Variants in EMC1 observed in about 807,000 individuals in gnomAD.
EMC1 encodes the protein ER membrane protein complex subunit 1, also known as KIAA0090.
Under a neutral mutation model 128.8 loss-of-function variants are expected in EMC1, and 103 were observed. The observed-to-expected ratio is 0.80, with a 90% CI of 0.68 to 0.94. EMC1 has a LOEUF of 0.94. Ranked by LOEUF, EMC1 falls within the 40% of genes least tolerant of loss-of-function variation. The pLI is 0.00. For missense variants in EMC1, 1,083 were observed against 1,250.6 expected (o/e 0.87, Z 2.02); for synonymous variants, 442 against 490.4 (o/e 0.90, Z 1.30).
rs2093532719 is a variant in EMC1, at chr1:19,232,659, G to A, written c.1747C>T (p.His583Tyr). ...MVQRTTAHFP[H>Y]PPQCTLLVKD... ...ACCAGCAGGGTGCACTGTGGGGGAT[G>A]GGGGAAATGAGCAGTAGTTCTCTGG... Residue 583 changes from histidine (H) to tyrosine (Y), a missense_variant, in exon 15 of 23, where the codon CAT (histidine) becomes TAT (tyrosine). Transcript: ENST00000477853. 1.2e-6 allele frequency: 2 copies of A among 1,614,016 alleles called. No homozygotes were observed. The highest frequency in any genetic ancestry group is 1.1e-5 in the South Asian group (1 of 91,082).
At chr1:19,240,820 C>T (rs1394420769) in intron 6 of EMC1, 196 bp downstream of exon 6, 2 of 639,884 alleles carry the variant, frequency 3.1e-6, no homozygotes, top group Non-Finnish European at 5.4e-6. Context: ...TTTAGCCACC[C>T]CAGAAGATAA....
At position 19,237,715 on chromosome 1, in the gene EMC1, C is replaced by A. The variant is rs117301373; in HGVS notation, c.1212+302G>T. ...ACTCTGGCTATGGTACTCGATCCCA[C>A]CAGGCCACAGAATCATTTTAAAACC... On this transcript the variant is annotated intron_variant, in intron 11 of 22. Transcript: ENST00000477853. Among the ~76,000 whole-genome samples, 91 of 152,324 alleles carry A rather than the reference C, an allele frequency of 6.0e-4. 1 individual carries two copies. In the East Asian group the frequency reaches 0.014, roughly 24 times the overall value.
At position 19,238,719 on chromosome 1, in the gene EMC1, A is replaced by G. The variant is rs2093584647; in HGVS notation, c.1089+76T>C. The G allele has an allele frequency of 3.0e-6, 3 of 1,006,780 alleles. No homozygotes were observed. In the Admixed American group the frequency reaches 5.7e-5, roughly 19 times the overall value. 62.4% of individuals were successfully genotyped at this position (1,006,780 alleles called of 1,614,324 possible). On this transcript the variant is annotated intron_variant, in intron 10 of 22. Transcript: ENST00000477853. ...GGAACTCTAGGACCTGCTCCTAACC[A>G]AAGCTCTTCCCCCAACTCTCTTTGG...
At chr1:19,229,546 C>T (rs2093504524) in intron 17 of EMC1, among the ~76,000 whole-genome samples, 1 of 152,174 alleles carries the variant, frequency 6.6e-6, no homozygotes, top group South Asian at 2.1e-4. Flanking sequence ...CCAGTTCACT[C>T]CCCTGAATCT....
At chr1:19,230,662 G>T (rs1244236342) in intron 17 of EMC1, among the ~76,000 whole-genome samples, 182 bp downstream of exon 17, 2 of 152,136 alleles carry the variant, frequency 1.3e-5, no homozygotes, top group African/African-American at 2.4e-5. Flanking sequence ...ACCTAGAACC[G>T]TATCTGCCAT....
In EMC1 at chr1:19,219,665, T is replaced by C; in HGVS notation, c.2706A>G (p.Val902=). 3 of 1,614,082 alleles carry C rather than the reference T, an allele frequency of 1.9e-6. No individual in the cohort carries two copies. The highest frequency in any genetic ancestry group is 2.5e-6 in the Non-Finnish European group (3 of 1,180,008). The change falls in exon 22 of 23, where the codon GTA becomes GTG. Residue 902 remains valine, a synonymous_variant. Coordinates refer to ENST00000477853, the MANE Select transcript of EMC1 (RefSeq NM_015047.3). ...TGATGAATCGCTCTGCGTGTATCTG[T>C]ACATCTGGAGAATACGGGATTAAGT... ...EENLIPYSPD[V]QIHAERFINY...
intron 18 of EMC1, among the ~76,000 whole-genome samples, chr1:19,224,197 C>G (rs899756737): frequency 1.3e-5 from 2 of 152,220 alleles, no homozygotes; most frequent in Non-Finnish European, 2.9e-5. Context: ...AGAAAGCTCT[C>G]AAGCCTTGAG....
intron 20 of EMC1, chr1:19,221,714 A>G (rs935534054): frequency 1.3e-5 from 2 of 152,102 alleles, no homozygotes; most frequent in African/African-American, 4.8e-5. Context: ...GGTAAAATCA[A>G]CTAAACACAG....
intron 20 of EMC1, chr1:19,221,225 G>A (rs1221616377): frequency 5.7e-6 from 1 of 175,328 alleles, no homozygotes. Flanking sequence ...TGTTCATGCA[G>A]CTGCGGTACA....
chr1:19,223,670 G>C, intron 18 of EMC1, 101 bp from the exon 19 acceptor site: 2 of 1,090,790 alleles, frequency 1.8e-6, no homozygotes, highest in South Asian at 1.5e-5. Flanking sequence ...CCTGGCAGAG[G>C]AATCAGGGTT....
Position 19,235,228 on chromosome 1 carries a change from C to T in EMC1, c.1334G>A (p.Arg445His), listed in dbSNP as rs752490808. The T allele has an allele frequency of 8.1e-6, 13 of 1,613,062 alleles. No individual in the cohort carries two copies. Among genetic ancestry groups the T allele is most frequent in the African/African-American group, 1.3e-5 (1 of 75,040 alleles). ...CACCACTTCTGCCAGGGACTCCTCA[C>T]GGCTCCACAGCACCACCTTCCCTGC... ...QLAGKVVLWSREESLAEVVCL... is the reference protein window; with the variant it reads ...QLAGKVVLWSHEESLAEVVCL... The change falls in exon 13 of 23, where the codon CGT becomes CAT. Residue 445 changes from arginine (R) to histidine (H), a missense_variant. By Grantham distance (29) the Arg-to-His change is conservative. This residue lies in a region of EMC1 where 544 missense variants were observed against 572.4 expected (regional missense o/e 0.95). Transcript: ENST00000477853.
At chr1:19,243,400 C>T (rs772348421) in intron 4 of EMC1, among the ~76,000 whole-genome samples, 4 of 152,180 alleles carry the variant, frequency 2.6e-5, no homozygotes, top group Non-Finnish European at 5.9e-5. Context: ...CATTCAAGCA[C>T]AAGCGCAAAC....
intron 13 of EMC1, among the ~76,000 whole-genome samples, chr1:19,234,568 C>G (rs1439098619): frequency 6.6e-6 from 1 of 152,220 alleles, no homozygotes; most frequent in Non-Finnish European, 1.5e-5. Flanking sequence ...TTATTCCCCC[C>G]AGGCGCAGCA....
At chr1:19,245,641 T>TTTTTTTTTTTTTTTA (rs2093628705) in intron 1 of EMC1, among the ~76,000 whole-genome samples, 1 of 149,306 alleles carries the variant, frequency 6.7e-6, no homozygotes, top group African/African-American at 2.5e-5. Context: ...TTTTTTTTTT[T>TTTTTTTTTTTTTTTA]GAGACGAAGT....
chr1:19,227,571 G>C, intron 17 of EMC1, 121 bp from the exon 18 acceptor site: 1 of 1,223,058 alleles, frequency 8.2e-7, no homozygotes, highest in Non-Finnish European at 1.1e-6. Flanking sequence ...ATAGAGATCA[G>C]AACTAGAAAA....
intron 3 of EMC1, 97 bp from the exon 4 acceptor site, chr1:19,243,804 T>A (rs2093619188): frequency 2.8e-6 from 4 of 1,440,286 alleles, no homozygotes; most frequent in Non-Finnish European, 2.9e-6. Flanking sequence ...GATTTCTGGA[T>A]GCAAATACAT....
intron 4 of EMC1, 52 bp from the exon 5 acceptor site, chr1:19,242,525 G>A (rs748510524): frequency 6.2e-7 from 1 of 1,608,630 alleles, no homozygotes; most frequent in Admixed American, 1.7e-5. Flanking sequence ...GCCTCAGGCT[G>A]GGAGAGACAG....
chr1:19,232,678 T>C lies in EMC1; in HGVS notation c.1728A>G (p.Arg576=). 6.2e-7 allele frequency: 1 copy of C among 1,614,200 alleles called. No individual in the cohort carries two copies. Among genetic ancestry groups the C allele is most frequent in the East Asian group, 2.2e-5 (1 of 44,892 alleles). ...PDSSFKLMVQ[R]TTAHFPHPPQ... ...GGGGATGGGGGAAATGAGCAGTAGT[T>C]CTCTGGACCATCAGTTTAAAGGAGG... Residue 576 remains arginine (R), a synonymous_variant, in exon 15 of 23, where the codon AGA becomes AGG. Transcript: ENST00000477853.
chr1:19,223,580 A>C lies in EMC1; in HGVS notation c.2203-11T>G. 1 of 1,613,092 alleles carries C rather than the reference A, an allele frequency of 6.2e-7. No individual in the cohort carries two copies. Among genetic ancestry groups the C allele is most frequent in the Non-Finnish European group, 8.5e-7 (1 of 1,179,842 alleles). On this transcript the variant is annotated splice_polypyrimidine_tract_variant and intron_variant, in intron 18 of 22. Transcript: ENST00000477853. ...GTTGGGGTTCAGGCTCTGGAGAGAGAGAGAAAACCTCCCTTAGAACCACGA... is the reference window on the plus strand; with the variant it reads ...GTTGGGGTTCAGGCTCTGGAGAGAGCGAGAAAACCTCCCTTAGAACCACGA...
Sources: allele counts gnomAD v4.1 joint callset (sites outside exome capture counted in the v4.1 genomes callset), GRCh38; gene constraint gnomAD v4.1.1; regional missense constraint gnomAD v4.1.1; transcripts MANE v1.5; gene names NCBI Gene and HGNC (gene_info 2026-07-23, HGNC 2026-07-21).